Variants in HDAC9 observed in about 807,000 individuals in gnomAD.
HDAC9 encodes the protein histone deacetylase 9.
In HDAC9, 41 loss-of-function variants were observed where a neutral mutation model predicts 139.4. That is an observed-to-expected ratio of 0.29 (90% CI 0.23 to 0.38). The LOEUF (loss-of-function observed/expected upper bound fraction) is 0.38, where lower values mean the gene tolerates loss of function less well. Ranked by LOEUF, HDAC9 falls within the 10% of genes least tolerant of loss-of-function variation. The probability of loss-of-function intolerance (pLI) is 1.00; values close to 1 mark genes in which losing one functional copy is unlikely to be tolerated. For synonymous variants in HDAC9, 517 were observed against 476.2 expected, an observed-to-expected ratio of 1.09 and a Z score of -1.12; for missense variants, 1,147 against 1,297.0, an observed-to-expected ratio of 0.88 and a Z score of 1.78.
intron 25 of HDAC9, 89 bp from the exon 26 acceptor site, chr7:18,995,934 C>A: frequency 1.1e-6 from 1 of 923,120 alleles, no homozygotes; most frequent in Non-Finnish European, 1.7e-6. Flanking sequence ...TCAGAGAGAG[C>A]TGAAAAATCA....
intron 6 of HDAC9, among the ~76,000 whole-genome samples, chr7:18,629,071 G>A (rs1308317425): frequency 6.6e-6 from 1 of 152,020 alleles, no homozygotes; most frequent in Non-Finnish European, 1.5e-5. Context: ...TCCCAAATCT[G>A]CTAGATAAAA....
intron 12 of HDAC9, among the ~76,000 whole-genome samples, chr7:18,677,963 C>T (rs929476960): frequency 6.6e-6 from 1 of 151,752 alleles, no homozygotes; most frequent in Non-Finnish European, 1.5e-5. Context: ...AATGAAAGAG[C>T]AATTTTGAGT....
intron 6 of HDAC9, among the ~76,000 whole-genome samples, chr7:18,621,567 A>T (rs1330614057): frequency 2.6e-5 from 4 of 152,156 alleles, no homozygotes; most frequent in Middle Eastern, 3.2e-3. Flanking sequence ...AGGAAATTGC[A>T]TTCATGTATT....
At chr7:18,540,103 C>CAAAAAAAAAAAAAAAAAAAA in intron 2 of HDAC9, among the ~76,000 whole-genome samples, 1 of 58,426 alleles carries the variant, frequency 1.7e-5, no homozygotes, top group Non-Finnish European at 3.5e-5. Flanking sequence ...ACTAAAAATA[C>CAAAAAAAAAAAAAAAAAAAA]AAAAAAAAAA....
At chr7:18,473,829 T>G (rs545937993) in intron 1 of HDAC9, among the ~76,000 whole-genome samples, 8 of 152,340 alleles carry the variant, frequency 5.3e-5, no homozygotes, top group African/African-American at 1.9e-4. Context: ...TTAAAATAGT[T>G]CAGAAATCAA....
At chr7:18,203,822 C>A (rs1025915876) in intron 2 of HDAC9, among the ~76,000 whole-genome samples, 1 of 152,192 alleles carries the variant, frequency 6.6e-6, no homozygotes, top group Admixed American at 6.6e-5. Context: ...GTTGTGTGAA[C>A]ACCTGTGATT....
intron 1 of HDAC9, among the ~76,000 whole-genome samples, chr7:18,374,598 A>T (rs537219930): frequency 1.3e-5 from 2 of 152,122 alleles, no homozygotes; most frequent in Non-Finnish European, 2.9e-5. Context: ...TGGCTACAAC[A>T]TCACTAGGTT....
chr7:18,941,163 T>G (rs1050059548), intron 23 of HDAC9, among the ~76,000 whole-genome samples: 1 of 151,724 alleles, frequency 6.6e-6, no homozygotes, highest in Non-Finnish European at 1.5e-5. Flanking sequence ...TCTCTTCTTT[T>G]TTTTTTCTTT....
chr7:18,175,016 G>A (rs1237093713), intron 2 of HDAC9, among the ~76,000 whole-genome samples: 3 of 152,210 alleles, frequency 2.0e-5, no homozygotes, highest in Admixed American at 2.0e-4. Context: ...GTTTAAGTCT[G>A]CAGAAGTTTC....
chr7:18,578,119 G>A, intron 2 of HDAC9: 1 of 518,870 alleles, frequency 1.9e-6, no homozygotes, highest in South Asian at 1.4e-5. Flanking sequence ...CCTAGCAGCT[G>A]CAGGGAACTG....
intron 15 of HDAC9, 84 bp from the exon 16 acceptor site, chr7:18,767,019 ATAT>A (rs1789885830): frequency 1.8e-6 from 1 of 568,724 alleles, no homozygotes; most frequent in Non-Finnish European, 3.0e-6. Context: ...ACCATGTGAC[ATAT>A]TATTATGTGT....
At chr7:18,785,453 A>G (rs1414808158) in intron 16 of HDAC9, among the ~76,000 whole-genome samples, 1 of 152,010 alleles carries the variant, frequency 6.6e-6, no homozygotes, top group African/African-American at 2.4e-5. Flanking sequence ...GTGCCAAATG[A>G]CCCCTTAGAT....
chr7:18,425,498 C>T (rs1790036689), intron 1 of HDAC9, among the ~76,000 whole-genome samples: 1 of 152,184 alleles, frequency 6.6e-6, no homozygotes, highest in Non-Finnish European at 1.5e-5. Context: ...ACTGATGAAG[C>T]TTGTCAACTA....
chr7:18,147,112 CT>C (rs2128115627), intron 1 of HDAC9, among the ~76,000 whole-genome samples: 1 of 152,084 alleles, frequency 6.6e-6, no homozygotes, highest in South Asian at 2.1e-4. Context: ...ACTCTTTTTC[CT>C]AAATGAATCA....
chr7:18,531,699 A>G (rs1809007676), intron 2 of HDAC9, among the ~76,000 whole-genome samples: 1 of 152,020 alleles, frequency 6.6e-6, no homozygotes, highest in South Asian at 2.1e-4. Flanking sequence ...TTTACCCCCT[A>G]ACTCTTTAAC....
intron 1 of HDAC9, chr7:18,429,371 T>C (rs1288619171): frequency 6.6e-6 from 1 of 152,204 alleles, no homozygotes; most frequent in Non-Finnish European, 1.5e-5. Flanking sequence ...CCTTTCTACA[T>C]TGTGCCAAGT....
chr7:18,670,726 A>G (rs1348595302), intron 12 of HDAC9, among the ~76,000 whole-genome samples: 1 of 151,950 alleles, frequency 6.6e-6, no homozygotes. Context: ...ACGATTCTTT[A>G]TATCTGCCCG....
intron 1 of HDAC9, among the ~76,000 whole-genome samples, chr7:18,421,495 AG>A (rs1263461401): frequency 2.0e-5 from 3 of 152,102 alleles, no homozygotes; most frequent in Admixed American, 2.0e-4. Flanking sequence ...AAGAAAGAAA[AG>A]GAAAAGGAAG....
At chr7:18,898,519 T>A (rs1801417338) in intron 22 of HDAC9, among the ~76,000 whole-genome samples, 1 of 151,964 alleles carries the variant, frequency 6.6e-6, no homozygotes, top group South Asian at 2.1e-4. Context: ...TGAAGGCGTT[T>A]CCTTTGACCA....
Sources: gnomAD v4.1 joint callset for allele counts (sites outside exome capture counted in the v4.1 genomes callset) on GRCh38, gnomAD v4.1.1 for gene constraint, MANE v1.5 for transcripts, NCBI Gene and HGNC (gene_info 2026-07-23, HGNC 2026-07-21) for gene names.